The following CSMD3 variants were observed in gnomAD, a reference collection of about 807,000 sequenced individuals.
The protein encoded by CSMD3 is CUB and sushi domain-containing protein 3.
In CSMD3, 177 loss-of-function variants were observed where a neutral mutation model predicts 435.2. The observed-to-expected ratio is 0.41, with a 90% confidence interval of 0.36 to 0.46. The LOEUF is 0.46. Among genes scored for constraint, CSMD3 ranks in the 20% least tolerant of loss-of-function variants. The pLI, the probability that CSMD3 is intolerant of heterozygous loss-of-function variation, is 0.34. For missense variants in CSMD3, 4,265 were observed against 4,504.6 expected (o/e 0.95, Z 1.52); for synonymous variants, 1,656 against 1,520.5 (o/e 1.09, Z -2.07).
intron 30 of CSMD3, among the ~76,000 whole-genome samples, chr8:112,494,493 TC>T (rs763191890): frequency 0.53 from 53,816 of 101,424 alleles, 15,956 homozygotes; most frequent in African/African-American, 0.58. Context: ...TTTCTTTCTC[TC>T]CTTTCTTTCT....
intron 24 of CSMD3, among the ~76,000 whole-genome samples, chr8:112,561,327 A>G (rs1408972480): frequency 1.3e-5 from 2 of 151,674 alleles, no homozygotes; most frequent in African/African-American, 4.8e-5. Flanking sequence ...AAATTTCTAG[A>G]ACAAAAATGA....
intron 13 of CSMD3, among the ~76,000 whole-genome samples, chr8:112,772,096 A>C (rs987250631): frequency 6.6e-6 from 1 of 152,088 alleles, no homozygotes; most frequent in African/African-American, 2.4e-5. Context: ...AAGTCATATC[A>C]GAAATAAAGA....
At chr8:112,779,177 GT>G (rs1304176351) in intron 13 of CSMD3, among the ~76,000 whole-genome samples, 5 of 133,790 alleles carry the variant, frequency 3.7e-5, no homozygotes, top group Admixed American at 3.7e-4. Flanking sequence ...GTGTGTGTGT[GT>G]TTGCGTGTGT....
chr8:112,276,712 C>A (rs73341008), intron 59 of CSMD3, among the ~76,000 whole-genome samples: 8,620 of 152,222 alleles, frequency 0.057, 332 homozygotes, highest in East Asian at 0.14. Context: ...GACCCCACTC[C>A]TGCAGCAAAC....
At chr8:112,884,039 A>C (rs1479311740) in intron 10 of CSMD3, among the ~76,000 whole-genome samples, 1 of 151,870 alleles carries the variant, frequency 6.6e-6, no homozygotes, top group African/African-American at 2.4e-5. Flanking sequence ...TGTAGTTAAA[A>C]TTCTCACAGA....
rs144754626 is a variant in CSMD3 at position 112,489,112 on chromosome 8, A to C, written c.5278+3377T>G. Among the ~76,000 whole-genome samples, 468 of 152,318 alleles carry C rather than the reference A, an allele frequency of 3.1e-3. 5 individuals are homozygous for C. Among genetic ancestry groups the C allele is most frequent in the African/African-American group, 0.01 (434 of 41,590 alleles). On this transcript the variant is annotated intron_variant, in intron 31 of 70. Coordinates refer to ENST00000297405, the MANE Select transcript of CSMD3 (RefSeq NM_198123.2). Reference sequence around the variant, plus strand: ...TTATTACACATACTTTAAATACTAAATTTGACTTTTAAGTATTAAGTTAGG... The same window carrying C: ...TTATTACACATACTTTAAATACTAACTTTGACTTTTAAGTATTAAGTTAGG...
chr8:113,243,375 T>C (rs2093240597), intron 3 of CSMD3, among the ~76,000 whole-genome samples: 1 of 151,622 alleles, frequency 6.6e-6, no homozygotes, highest in Admixed American at 6.6e-5. Flanking sequence ...TTTTAAAATA[T>C]AGATTGTAGT....
chr8:113,044,280 TG>T (rs1216169589), intron 5 of CSMD3, among the ~76,000 whole-genome samples: 3 of 127,316 alleles, frequency 2.4e-5, no homozygotes, highest in African/African-American at 7.6e-5. Context: ...TAGCAAATTT[TG>T]TTTTCCTTCA....
rs559418817 is a variant in CSMD3 at position 112,225,978 on chromosome 8, G to A, written c.10965-1048C>T. ...GCAGACTTGCTGCTATCTGTTTCTG[G>A]GGCCTAATTCCTAAAAGGGATATAT... On this transcript the variant is annotated intron_variant, in intron 70 of 70. Coordinates refer to ENST00000297405, the MANE Select transcript of CSMD3 (RefSeq NM_198123.2). 5.9e-5 allele frequency among the ~76,000 whole-genome samples: 9 copies of A among 152,070 alleles called. No individual in the cohort carries two copies. In the East Asian group the frequency reaches 1.4e-3, roughly 23 times the overall value.
At chr8:112,688,270 T>C (rs1471017336) in intron 14 of CSMD3, among the ~76,000 whole-genome samples, 1 of 152,170 alleles carries the variant, frequency 6.6e-6, no homozygotes, top group Non-Finnish European at 1.5e-5. Context: ...GATAGATAGA[T>C]GCTTATATCA....
chr8:112,344,114 C>T (rs1825448636), intron 41 of CSMD3, among the ~76,000 whole-genome samples: 1 of 151,964 alleles, frequency 6.6e-6, no homozygotes, highest in African/African-American at 2.4e-5. Flanking sequence ...AATCTCCTGA[C>T]CTTGTGATCT....
chr8:112,453,459 T>C (rs951842123), intron 32 of CSMD3, among the ~76,000 whole-genome samples: 3 of 152,054 alleles, frequency 2.0e-5, no homozygotes, highest in African/African-American at 7.2e-5. Flanking sequence ...AGCATTCCTA[T>C]ACACCAATAA....
At chr8:112,327,639 G>C (rs1823629477) in intron 45 of CSMD3, among the ~76,000 whole-genome samples, 1 of 152,102 alleles carries the variant, frequency 6.6e-6, no homozygotes, top group South Asian at 2.1e-4. Context: ...GTTCTTTTTA[G>C]AAGAATCATG....
At chr8:113,223,776 G>T (rs2092996420) in intron 3 of CSMD3, among the ~76,000 whole-genome samples, 1 of 150,096 alleles carries the variant, frequency 6.7e-6, no homozygotes, top group African/African-American at 2.4e-5. Flanking sequence ...GTGTGTGTGT[G>T]TGTGTGTCGG....
At chr8:112,631,835 A>G (rs2074524664) in intron 22 of CSMD3, among the ~76,000 whole-genome samples, 1 of 151,992 alleles carries the variant, frequency 6.6e-6, no homozygotes, top group Non-Finnish European at 1.5e-5. Flanking sequence ...TCATACTGGC[A>G]TCATCCTTTC....
rs537922526 is a variant in CSMD3, at chr8:112,318,718, T to C, written c.7360+119A>G. On this transcript the variant is annotated intron_variant, in intron 47 of 70. Coordinates refer to ENST00000297405, the MANE Select transcript of CSMD3 (RefSeq NM_198123.2). ...TAGCACATATGAGTTATAAAATGTA[T>C]AGCATTGTTTCCAGTTAAACATTTC... 489 of 691,276 alleles carry C rather than the reference T, an allele frequency of 7.1e-4. 3 individuals are homozygous for C. The African/African-American group carries it at 7.5e-3, about 11-fold the overall frequency. The allele number at this position is 691,276 out of a possible 1,614,324, so 42.8% of individuals were successfully genotyped here. A position where few individuals can be genotyped will look rare whatever the true frequency, so the allele number is the denominator to read the frequency against.
chr8:113,296,859 T>C (rs909366742), intron 2 of CSMD3, among the ~76,000 whole-genome samples: 2 of 152,164 alleles, frequency 1.3e-5, no homozygotes, highest in African/African-American at 4.8e-5. Flanking sequence ...TTTTTCTGCA[T>C]TCTATCAAAT....
intron 5 of CSMD3, among the ~76,000 whole-genome samples, chr8:113,065,033 C>T (rs1228853926): frequency 1.3e-5 from 2 of 152,048 alleles, no homozygotes; most frequent in East Asian, 1.9e-4. Context: ...TCTGTTGTAT[C>T]TACAAAAATA....
intron 8 of CSMD3, among the ~76,000 whole-genome samples, chr8:112,951,256 G>C (rs1388691726): frequency 6.6e-6 from 1 of 151,820 alleles, no homozygotes; most frequent in Non-Finnish European, 1.5e-5. Context: ...CAATTGGACA[G>C]ATTTATCACT....
Sources: gnomAD v4.1 joint callset for allele counts (sites outside exome capture counted in the v4.1 genomes callset) on GRCh38, gnomAD v4.1.1 for gene constraint, MANE v1.5 for transcripts, NCBI Gene and HGNC (gene_info 2026-07-23, HGNC 2026-07-21) for gene names.